Variants in P4HA1 observed in about 807,000 individuals in gnomAD.
P4HA1 encodes prolyl 4-hydroxylase subunit alpha-1.
Under a neutral mutation model 72.8 loss-of-function variants are expected in P4HA1, and 24 were observed. The observed-to-expected ratio is 0.33, with a 90% CI of 0.24 to 0.46. The LOEUF is 0.46. Among genes scored for constraint, P4HA1 ranks in the 20% least tolerant of loss-of-function variants. P4HA1 has a pLI of 1.00. For missense variants in P4HA1, 446 were observed against 640.6 expected (o/e 0.70, Z 3.28); for synonymous variants, 201 against 218.8 (o/e 0.92, Z 0.72).
At chr10:73,081,213 T>G (rs1388494099) in intron 1 of P4HA1, among the ~76,000 whole-genome samples, 1 of 151,938 alleles carries the variant, frequency 6.6e-6, no homozygotes, top group Middle Eastern at 3.2e-3. Flanking sequence ...GTCTTAATTT[T>G]TAAAAAGACA....
intron 9 of P4HA1, among the ~76,000 whole-genome samples, chr10:73,035,287 G>GGGA (rs1346940582): frequency 6.6e-6 from 1 of 152,020 alleles, no homozygotes; most frequent in Non-Finnish European, 1.5e-5. Flanking sequence ...AAGCCAAGGT[G>GGGA]GGAGGATCGT....
intron 1 of P4HA1, among the ~76,000 whole-genome samples, chr10:73,077,028 C>T (rs10823977): frequency 0.11 from 16,332 of 152,230 alleles, 1,263 homozygotes; most frequent in East Asian, 0.3. Context: ...CAGTTACTTC[C>T]AGAACCACAC....
chr10:73,086,254 A>C (rs867864726), intron 1 of P4HA1, among the ~76,000 whole-genome samples: 1 of 152,262 alleles, frequency 6.6e-6, no homozygotes, highest in Non-Finnish European at 1.5e-5. Flanking sequence ...AGCATTATTC[A>C]TAATAGCCAA....
chr10:73,057,793 C>A (rs1419116717), intron 5 of P4HA1, among the ~76,000 whole-genome samples: 1 of 151,714 alleles, frequency 6.6e-6, no homozygotes, highest in African/African-American at 2.4e-5. Flanking sequence ...TACATAAATG[C>A]CAGTCTAAAT....
intron 10 of P4HA1, 123 bp downstream of exon 10, chr10:73,030,148 G>A (rs892543826): frequency 4.5e-6 from 2 of 442,410 alleles, no homozygotes; most frequent in Non-Finnish European, 8.1e-6. Context: ...GCAGCTTACA[G>A]GGTCACTTTT....
rs2133038185 is a variant in P4HA1 at position 73,016,290 on chromosome 10, T to C, written c.1302+556A>G. Among the ~76,000 whole-genome samples, 3 of 152,292 alleles carry C rather than the reference T, an allele frequency of 2.0e-5. No individual in the cohort carries two copies. In the South Asian group the frequency reaches 6.2e-4, roughly 32 times the overall value. Reference sequence around the variant, plus strand: ...TACCTCTTAGTAATTTTCCATCTACTAACACCCACCCTTGCTCATTGGCTA... The same window carrying C: ...TACCTCTTAGTAATTTTCCATCTACCAACACCCACCCTTGCTCATTGGCTA... On this transcript the variant is annotated intron_variant, in intron 11 of 14. Transcript: ENST00000394890.
At chr10:73,017,284 G>T (rs1564619037) in intron 10 of P4HA1, among the ~76,000 whole-genome samples, 2 of 148,100 alleles carry the variant, frequency 1.4e-5, no homozygotes, top group Admixed American at 1.3e-4. Flanking sequence ...TCTCTATACA[G>T]ATCTACATAT....
chr10:73,085,628 C>G (rs1002456383), intron 1 of P4HA1, among the ~76,000 whole-genome samples: 1 of 152,064 alleles, frequency 6.6e-6, no homozygotes, highest in African/African-American at 2.4e-5. Flanking sequence ...GGTGATCTGC[C>G]CACCTCAGCC....
At chr10:73,022,580 C>T (rs959812545) in intron 10 of P4HA1, among the ~76,000 whole-genome samples, 7 of 152,162 alleles carry the variant, frequency 4.6e-5, no homozygotes, top group African/African-American at 1.7e-4. Context: ...GATCAGAGCA[C>T]CTCCTCTCCT....
At chr10:73,026,461 T>C (rs1158895182) in intron 10 of P4HA1, among the ~76,000 whole-genome samples, 2 of 152,198 alleles carry the variant, frequency 1.3e-5, no homozygotes, top group Admixed American at 6.5e-5. Flanking sequence ...TAATTCAAGA[T>C]GGATTAAAGA....
chr10:73,085,254 A>G (rs932290784), intron 1 of P4HA1, among the ~76,000 whole-genome samples: 24 of 152,270 alleles, frequency 1.6e-4, no homozygotes, highest in Admixed American at 1.3e-3. Flanking sequence ...AAATAAATAA[A>G]TTGAACTTTG....
Position 73,087,276 on chromosome 10 carries a change from T to C in P4HA1, c.-33+9490A>G, listed in dbSNP as rs1008240491. ...TGATGTTTAATGCCTTTATTTTTTT[T>C]TTTTTTTTTTGAGACAGAGTCTCAC... On this transcript the variant is annotated intron_variant, in intron 1 of 14. Transcript: ENST00000394890. Among the ~76,000 whole-genome samples the C allele has an allele frequency of 1.8e-3, 266 of 150,758 alleles. 7 individuals are homozygous for C. The highest frequency in any genetic ancestry group is 5.8e-3 in the African/African-American group (240 of 41,158).
chr10:73,011,088 A>T lies in P4HA1; in HGVS notation c.1369-51T>A, dbSNP rs188062355. The T allele has an allele frequency of 5.6e-4, 749 of 1,346,922 alleles. 2 individuals carry two copies. The African/African-American group carries it at 7.8e-3, about 14-fold the overall frequency. The allele number at this position is 1,346,922 out of a possible 1,614,324, so 83.4% of individuals were successfully genotyped here. A position where few individuals can be genotyped will look rare whatever the true frequency, so the allele number is the denominator to read the frequency against. On this transcript the variant is annotated intron_variant, in intron 12 of 14. Transcript: ENST00000394890. ...AAAAGTGCTGGTAGAATAAAGTAAA[A>T]CATGCCATTATATAGACTTGATATT...
At chr10:73,082,444 T>A (rs1270674575) in intron 1 of P4HA1, 1 of 152,198 alleles carries the variant, frequency 6.6e-6, no homozygotes, top group African/African-American at 2.4e-5. Context: ...CCCAGACAAA[T>A]CATTCAAAAA....
intron 10 of P4HA1, among the ~76,000 whole-genome samples, chr10:73,017,805 T>TAATTAC (rs1294683004): frequency 2.0e-5 from 3 of 152,210 alleles, no homozygotes; most frequent in Non-Finnish European, 4.4e-5. Flanking sequence ...CAATGTAACT[T>TAATTAC]TGGATATCAT....
chr10:73,085,808 C>T (rs747502166), intron 1 of P4HA1, among the ~76,000 whole-genome samples: 7 of 152,182 alleles, frequency 4.6e-5, no homozygotes, highest in Non-Finnish European at 8.8e-5. Flanking sequence ...TGAGATACCA[C>T]TTCACTGCCA....
intron 1 of P4HA1, among the ~76,000 whole-genome samples, chr10:73,089,706 G>C (rs61865787): frequency 7.3e-6 from 1 of 136,704 alleles, no homozygotes; most frequent in Non-Finnish European, 1.5e-5. Context: ...GAGATTCCCC[G>C]TGCTAAAAAA....
chr10:73,070,060 T>A (rs1187008920), intron 4 of P4HA1, among the ~76,000 whole-genome samples: 1 of 151,098 alleles, frequency 6.6e-6, no homozygotes, highest in Non-Finnish European at 1.5e-5. Context: ...TCCACCTGCC[T>A]TGGTCTCCCA....
chr10:73,085,171 G>A (rs1841900585), intron 1 of P4HA1, among the ~76,000 whole-genome samples: 1 of 151,892 alleles, frequency 6.6e-6, no homozygotes, highest in Admixed American at 6.6e-5. Context: ...CATAACCTTG[G>A]ATTAGGCAAT....
Sources: allele counts gnomAD v4.1 joint callset (sites outside exome capture counted in the v4.1 genomes callset), GRCh38; gene constraint gnomAD v4.1.1; transcripts MANE v1.5; gene names NCBI Gene and HGNC (gene_info 2026-07-23, HGNC 2026-07-21).